The following FKBP14 variants were observed in gnomAD, a reference collection of about 807,000 sequenced individuals.
FKBP14 encodes FKBP prolyl isomerase 14, also known as peptidyl-prolyl cis-trans isomerase FKBP14.
A neutral mutation model predicts 21.6 loss-of-function variants in FKBP14; 20 were observed. The observed-to-expected ratio is 0.92, with a 90% CI of 0.65 to 1.34. The LOEUF (loss-of-function observed/expected upper bound fraction) is 1.34, where lower values mean the gene tolerates loss of function less well. Ranked by LOEUF, FKBP14 falls within the 40% of genes most tolerant of loss-of-function variation. The pLI, the probability that FKBP14 is intolerant of heterozygous loss-of-function variation, is 0.00. For missense variants in FKBP14, 253 were observed against 249.0 expected (o/e 1.02, Z -0.11); for synonymous variants, 79 against 86.7 (o/e 0.91, Z 0.49).
At chr7:30,023,467 A>G (rs183679200) in intron 1 of FKBP14, among the ~76,000 whole-genome samples, 18 of 152,330 alleles carry the variant, frequency 1.2e-4, no homozygotes, top group African/African-American at 4.3e-4. Context: ...TCTGACGGGT[A>G]GAAAAGGCTG....
chr7:30,018,155 T>A (rs944680247), intron 3 of FKBP14, among the ~76,000 whole-genome samples: 3 of 152,210 alleles, frequency 2.0e-5, no homozygotes, highest in African/African-American at 7.2e-5. Flanking sequence ...CTGGTAATAC[T>A]ATGAGGTGTT....
At position 30,026,634 on chromosome 7, in the gene FKBP14, A is replaced by G. The variant is rs956162576; in HGVS notation, c.-126T>C. On this transcript the variant is annotated 5_prime_UTR_variant, in exon 1 of 4. It removes the in-frame stop codon of an upstream open reading frame in the 5' UTR. Coordinates refer to ENST00000222803, the MANE Select transcript of FKBP14 (RefSeq NM_017946.4). The stretch of plus-strand genomic sequence containing the variant: ...GACAAGTTCAGGACTCCCCCTTCTT[A>G]GAAGACGTGGCACATTTACCACCAA... 7 of 781,010 alleles carry G rather than the reference A, an allele frequency of 9.0e-6. No homozygotes were observed. In the Admixed American group the frequency reaches 1.2e-4, roughly 13 times the overall value. The allele number at this position is 781,010 out of a possible 1,614,324, so 48.4% of individuals were successfully genotyped here. A position where few individuals can be genotyped will look rare whatever the true frequency, so the allele number is the denominator to read the frequency against.
chr7:30,008,517 T>C (rs1789652274), downstream of FKBP14: 1 of 137,404 alleles, frequency 7.3e-6, no homozygotes, highest in African/African-American at 2.8e-5. Flanking sequence ...GTTCAGGAGT[T>C]CGAGACCAGC....
At position 30,012,013 on chromosome 7, in the gene FKBP14, T is replaced by C. The variant is rs1277967135; in HGVS notation, c.*2722A>G. ...TGTAGCCTAGGAGCAATAGGCTATA[T>C]ACATGTCCTACATGTGTAGCAGGCT... is the stretch of plus-strand genomic sequence containing the variant. On this transcript the variant is annotated 3_prime_UTR_variant, in exon 4 of 4. Coordinates refer to ENST00000222803, the MANE Select transcript of FKBP14 (RefSeq NM_017946.4). 1 of 152,250 alleles carries C rather than the reference T, an allele frequency of 6.6e-6. No homozygotes were observed. Among genetic ancestry groups the C allele is most frequent in the Non-Finnish European group, 1.5e-5 (1 of 68,046 alleles). 9.4% of individuals were successfully genotyped at this position (152,250 alleles called of 1,614,324 possible).
chr7:30,014,731 A>T lies in FKBP14; in HGVS notation c.*4T>A, dbSNP rs765397542. ...AGTGCTATATTAAAAGGGTAGATGT[A>T]TCTCTATAACTCATCGTGTTTATAT... On this transcript the variant is annotated 3_prime_UTR_variant, in exon 4 of 4. Transcript: ENST00000222803. 6.4e-7 allele frequency: 1 copy of T among 1,555,448 alleles called. No homozygotes were observed.
At chr7:30,017,069 A>G (rs1310616560) in intron 3 of FKBP14, among the ~76,000 whole-genome samples, 1 of 152,130 alleles carries the variant, frequency 6.6e-6, no homozygotes, top group Admixed American at 6.5e-5. Context: ...AAATAAGACT[A>G]TGTATTTGGA....
intron 3 of FKBP14, among the ~76,000 whole-genome samples, chr7:30,017,130 C>T (rs1789907686): frequency 6.6e-6 from 1 of 151,400 alleles, no homozygotes; most frequent in Non-Finnish European, 1.5e-5. Context: ...TAAAACTAAG[C>T]CGGGTGCAAT....
At chr7:30,022,608 C>T (rs955639200) in intron 2 of FKBP14, 57 bp downstream of exon 2, 3 of 1,540,172 alleles carry the variant, frequency 1.9e-6, no homozygotes, top group South Asian at 1.3e-5. Flanking sequence ...ACTTCTGTCT[C>T]CTAATCCAGA....
chr7:30,022,617 G>T, intron 2 of FKBP14, 48 bp downstream of exon 2: 2 of 1,549,516 alleles, frequency 1.3e-6, no homozygotes, highest in South Asian at 2.5e-5. Flanking sequence ...TCCTAATCCA[G>T]AGAACAACTC....
chr7:30,018,632 G>A (rs2127948114), intron 3 of FKBP14, among the ~76,000 whole-genome samples: 1 of 152,344 alleles, frequency 6.6e-6, no homozygotes, highest in East Asian at 1.9e-4. Context: ...TATTTCTCAG[G>A]ACAGCTAGCT....
intron 3 of FKBP14, among the ~76,000 whole-genome samples, chr7:30,018,230 A>T (rs903236796): frequency 6.6e-6 from 1 of 152,198 alleles, no homozygotes; most frequent in South Asian, 2.1e-4. Context: ...TCAAGACTTA[A>T]TCATTTCCTG....
rs538260831 is a variant in FKBP14 at position 30,013,102 on chromosome 7, A to T, written c.*1633T>A. 1 of 152,314 alleles carries T rather than the reference A, an allele frequency of 6.6e-6. No homozygotes were observed. The highest frequency in any genetic ancestry group is 2.4e-5 in the African/African-American group (1 of 41,586). 9.4% of individuals were successfully genotyped at this position (152,314 alleles called of 1,614,324 possible). On this transcript the variant is annotated 3_prime_UTR_variant, in exon 4 of 4. Coordinates refer to ENST00000222803, the MANE Select transcript of FKBP14 (RefSeq NM_017946.4). ...TGCACTTAATATCATTTTGTACACT[A>T]TAAAGGGCTACTCTTAGAAAATGAA... is the stretch of plus-strand genomic sequence containing the variant.
At chr7:30,026,274 C>T (rs775089214) in intron 1 of FKBP14, 38 bp downstream of exon 1, 2 of 1,558,950 alleles carry the variant, frequency 1.3e-6, no homozygotes, top group East Asian at 2.3e-5. Context: ...TGAGTGGATT[C>T]TTAATTACTA....
intron 1 of FKBP14, among the ~76,000 whole-genome samples, chr7:30,024,905 A>G (rs984804913): frequency 1.3e-5 from 2 of 152,382 alleles, no homozygotes; most frequent in East Asian, 3.9e-4. Context: ...CAGACTAAAA[A>G]TAACAATATA....
chr7:30,021,743 CAG>C (rs1273650194), intron 2 of FKBP14, among the ~76,000 whole-genome samples: 1 of 152,088 alleles, frequency 6.6e-6, no homozygotes, highest in East Asian at 1.9e-4. Context: ...TTAGTAGAGA[CAG>C]GGTTTCACCA....
At chr7:30,019,238 A>G (rs1056380371) in intron 2 of FKBP14, 115 bp from the exon 3 acceptor site, 30 of 946,194 alleles carry the variant, frequency 3.2e-5, no homozygotes, top group African/African-American at 7.0e-5. Flanking sequence ...CCTTCCTAAG[A>G]TTGTCATATA....
At chr7:30,015,135 C>T (rs1480087536) in intron 3 of FKBP14, among the ~76,000 whole-genome samples, 2 of 151,834 alleles carry the variant, frequency 1.3e-5, no homozygotes, top group African/African-American at 4.8e-5. Flanking sequence ...AAGGCAGGGC[C>T]AGGTGTGGTG....
At chr7:30,017,176 C>CAA (rs773478588) in intron 3 of FKBP14, among the ~76,000 whole-genome samples, 2,790 of 111,346 alleles carry the variant, frequency 0.025, 39 homozygotes, top group Admixed American at 0.048. Context: ...CTCATCTCTA[C>CAA]AAAAAAAAAA....
Position 30,014,217 on chromosome 7 carries a change from A to G in FKBP14, c.*518T>C, listed in dbSNP as rs1308610535. On this transcript the variant is annotated 3_prime_UTR_variant, in exon 4 of 4. Coordinates refer to ENST00000222803, the MANE Select transcript of FKBP14 (RefSeq NM_017946.4). The stretch of plus-strand genomic sequence containing the variant: ...ACATCTCCTTAGTAAAGCAGTAGCC[A>G]TTAACAAGTCAGGTCCAACAACCAT... 1.3e-5 allele frequency: 2 copies of G among 152,270 alleles called. No homozygotes were observed. Among genetic ancestry groups the G allele is most frequent in the African/African-American group, 2.4e-5 (1 of 41,454 alleles). The allele number at this position is 152,270 out of a possible 1,614,324, so 9.4% of individuals were successfully genotyped here. A position where few individuals can be genotyped will look rare whatever the true frequency, so the allele number is the denominator to read the frequency against.
Sources: gnomAD v4.1 joint callset for allele counts (sites outside exome capture counted in the v4.1 genomes callset) on GRCh38, gnomAD v4.1.1 for gene constraint, MANE v1.5 for transcripts, NCBI Gene and HGNC (gene_info 2026-07-23, HGNC 2026-07-21) for gene names.